Variants in CPNE4 observed in about 807,000 individuals in gnomAD.
CPNE4 encodes copine-4.
A neutral mutation model predicts 67.9 loss-of-function variants in CPNE4; 25 were observed. The ratio of observed to expected loss-of-function variants is 0.37; its 90% CI spans 0.27 to 0.51. The LOEUF is 0.51. Ranked by LOEUF, CPNE4 falls within the 20% of genes least tolerant of loss-of-function variation. The pLI, the probability that CPNE4 is intolerant of heterozygous loss-of-function variation, is 0.93. For synonymous variants in CPNE4, 242 were observed against 244.9 expected (o/e 0.99, Z 0.11); for missense variants, 464 against 690.8 (o/e 0.67, Z 3.68).
rs1331359400 is a variant in CPNE4, at chr3:131,801,390, A to AC, written c.181-77766dup. Among the ~76,000 whole-genome samples the AC allele has an allele frequency of 6.6e-4, 47 of 71,612 alleles. 1 individual carries two copies. Among genetic ancestry groups the AC allele is most frequent in the African/African-American group, 2.3e-3 (44 of 18,844 alleles). 47.0% of individuals were successfully genotyped at this position (71,612 alleles called of 152,430 possible). ...TATGTACCATATATATATATATGGT[A>AC]CATATATATATAGGTACATATATAC... On this transcript the variant is annotated intron_variant, in intron 2 of 15. Coordinates refer to ENST00000429747, the MANE Select transcript of CPNE4 (RefSeq NM_130808.3).
chr3:131,932,173 C>G (rs1279373042), intron 1 of CPNE4, among the ~76,000 whole-genome samples: 1 of 152,112 alleles, frequency 6.6e-6, no homozygotes, highest in Non-Finnish European at 1.5e-5. Context: ...AACCAAAGGT[C>G]AACAGTGTAA....
chr3:131,552,977 A>G (rs969023449), intron 12 of CPNE4, among the ~76,000 whole-genome samples: 1 of 152,150 alleles, frequency 6.6e-6, no homozygotes, highest in Non-Finnish European at 1.5e-5. Context: ...TGATATGCAG[A>G]ACTACAGGGC....
At chr3:131,938,476 C>T (rs928655699) in intron 1 of CPNE4, among the ~76,000 whole-genome samples, 3 of 151,916 alleles carry the variant, frequency 2.0e-5, no homozygotes, top group African/African-American at 4.8e-5. Context: ...AGTGTTTTTA[C>T]ACTGCTATAA....
intron 1 of CPNE4, among the ~76,000 whole-genome samples, chr3:131,978,519 T>C (rs1269681438): frequency 1.2e-5 from 1 of 82,592 alleles, no homozygotes; most frequent in Non-Finnish European, 2.1e-5. Context: ...TATATTTATT[T>C]ATATAAATAT....
intron 7 of CPNE4, among the ~76,000 whole-genome samples, chr3:131,661,716 G>T (rs568876724): frequency 2.6e-5 from 4 of 152,094 alleles, no homozygotes; most frequent in Non-Finnish European, 5.9e-5. Flanking sequence ...AATCTGACCA[G>T]ATCTCCAGAA....
intron 1 of CPNE4, among the ~76,000 whole-genome samples, chr3:131,954,458 C>T (rs530999003): frequency 1.1e-3 from 162 of 152,040 alleles, no homozygotes; most frequent in Non-Finnish European, 1.8e-3. Flanking sequence ...AAAACAGATT[C>T]CCTATAATAA....
chr3:131,999,253 A>AAAAAAAAAAAAAAAAAAAAAAAAAAAT (rs2073369521), intron 1 of CPNE4, among the ~76,000 whole-genome samples: 1 of 150,392 alleles, frequency 6.6e-6, no homozygotes, highest in African/African-American at 2.4e-5. Context: ...AAAAAAAAAA[A>AAAAAAAAAAAAAAAAAAAAAAAAAAAT]AAAAAAAAAA....
At chr3:131,727,314 G>T (rs1469759363) in intron 2 of CPNE4, among the ~76,000 whole-genome samples, 1 of 151,906 alleles carries the variant, frequency 6.6e-6, no homozygotes, top group Non-Finnish European at 1.5e-5. Context: ...CTAAAACACG[G>T]CCAGGCGCAG....
rs1309291250 is a variant in CPNE4, at chr3:132,034,750, G to C, written c.-185C>G. 15 of 985,204 alleles carry C rather than the reference G, an allele frequency of 1.5e-5. No homozygotes were observed. Among genetic ancestry groups the C allele is most frequent in the Non-Finnish European group, 1.6e-5 (13 of 830,026 alleles). 61.0% of individuals were successfully genotyped at this position (985,204 alleles called of 1,614,324 possible). A position where few individuals can be genotyped will look rare whatever the true frequency, so the allele number is the denominator to read the frequency against. On this transcript the variant is annotated 5_prime_UTR_variant, in exon 1 of 16. Transcript: ENST00000429747. ...CGAGGTCAGTTTAGCAACAGCGGCT[G>C]GGAAAGGTGCTGAGAGCAGAGTTCG...
chr3:131,659,204 T>C (rs1435896915), intron 7 of CPNE4, among the ~76,000 whole-genome samples: 1 of 152,202 alleles, frequency 6.6e-6, no homozygotes, highest in Non-Finnish European at 1.5e-5. Context: ...CACAGCATTA[T>C]TTAAACAGAG....
chr3:131,742,982 AG>A (rs2082393491), intron 2 of CPNE4, among the ~76,000 whole-genome samples: 1 of 152,172 alleles, frequency 6.6e-6, no homozygotes, highest in Non-Finnish European at 1.5e-5. Flanking sequence ...AATAAACTAG[AG>A]GATGAATTAA....
At chr3:131,824,515 A>C (rs1189155034) in intron 2 of CPNE4, among the ~76,000 whole-genome samples, 1 of 152,086 alleles carries the variant, frequency 6.6e-6, no homozygotes, top group Non-Finnish European at 1.5e-5. Flanking sequence ...ATATGGAGGG[A>C]AAGAGGGTGG....
intron 3 of CPNE4, among the ~76,000 whole-genome samples, chr3:131,711,180 C>T (rs1194446720): frequency 6.6e-6 from 1 of 152,192 alleles, no homozygotes; most frequent in Non-Finnish European, 1.5e-5. Flanking sequence ...ATAGGTTACC[C>T]TATCATTCTC....
intron 2 of CPNE4, among the ~76,000 whole-genome samples, chr3:131,777,448 G>C (rs1211866049): frequency 6.6e-6 from 1 of 150,992 alleles, no homozygotes; most frequent in Non-Finnish European, 1.5e-5. Context: ...ATTATAAGTA[G>C]ATGTGGGGAG....
At chr3:131,586,012 A>G (rs1938156896) in intron 8 of CPNE4, among the ~76,000 whole-genome samples, 1 of 152,158 alleles carries the variant, frequency 6.6e-6, no homozygotes, top group Non-Finnish European at 1.5e-5. Context: ...AACAAATGGT[A>G]TCATTCAGAT....
At chr3:132,026,793 G>T (rs1460336774) in intron 1 of CPNE4, among the ~76,000 whole-genome samples, 2 of 152,138 alleles carry the variant, frequency 1.3e-5, no homozygotes, top group African/African-American at 4.8e-5. Context: ...AACATTGAGT[G>T]CATACATACA....
chr3:131,585,295 C>T (rs1173994817), intron 8 of CPNE4, among the ~76,000 whole-genome samples: 1 of 152,204 alleles, frequency 6.6e-6, no homozygotes, highest in Non-Finnish European at 1.5e-5. Flanking sequence ...AGGGCAGGGA[C>T]CATGTCAGCA....
chr3:131,862,310 C>T (rs2086724154), intron 2 of CPNE4, among the ~76,000 whole-genome samples: 1 of 152,166 alleles, frequency 6.6e-6, no homozygotes, highest in African/African-American at 2.4e-5. Context: ...CACCTTCTTC[C>T]TCGCCATGCA....
chr3:131,887,290 T>C (rs1035397365), intron 2 of CPNE4, among the ~76,000 whole-genome samples: 7 of 152,232 alleles, frequency 4.6e-5, no homozygotes, highest in African/African-American at 1.7e-4. Context: ...AAGATGTGAC[T>C]TGCTCCTCCT....
Sources: allele counts gnomAD v4.1 joint callset (sites outside exome capture counted in the v4.1 genomes callset), GRCh38; gene constraint gnomAD v4.1.1; transcripts MANE v1.5; gene names NCBI Gene and HGNC (gene_info 2026-07-23, HGNC 2026-07-21).